LDAH: variants seen among roughly 807,000 people sequenced by gnomAD.
LDAH encodes the protein lipid droplet associated hydrolase.
In LDAH, 26 loss-of-function variants were observed where a neutral mutation model predicts 29.6. The observed-to-expected ratio is 0.88, with a 90% confidence interval of 0.64 to 1.22. LDAH has a LOEUF of 1.22. LDAH is among the 50% of genes most tolerant of loss of function. The pLI is 0.00. For missense variants in LDAH, 344 were observed against 387.3 expected (o/e 0.89, Z 0.94); for synonymous variants, 117 against 133.0 (o/e 0.88, Z 0.83).
At chr2:20,704,613 A>T (rs1252574103) in intron 5 of LDAH, among the ~76,000 whole-genome samples, 4 of 152,234 alleles carry the variant, frequency 2.6e-5, no homozygotes, top group Non-Finnish European at 4.4e-5. Context: ...TATGGTACAG[A>T]TTTATTTGAA....
intron 1 of LDAH, among the ~76,000 whole-genome samples, chr2:20,818,807 C>G (rs1036640412): frequency 3.9e-5 from 6 of 152,100 alleles, no homozygotes; most frequent in African/African-American, 1.4e-4. Context: ...ATCCAAAAAA[C>G]AAACTGCAAA....
At chr2:20,732,126 C>T (rs72784348) in intron 5 of LDAH, among the ~76,000 whole-genome samples, 13,126 of 151,866 alleles carry the variant, frequency 0.086, 731 homozygotes, top group Middle Eastern at 0.16. Context: ...TTCCCTGCAT[C>T]GGTTGATAGA....
chr2:20,812,556 C>T (rs1237809937), intron 1 of LDAH, among the ~76,000 whole-genome samples: 2 of 152,126 alleles, frequency 1.3e-5, no homozygotes, highest in Non-Finnish European at 2.9e-5. Flanking sequence ...TCTCTGCTGC[C>T]ATATATGGAC....
chr2:20,814,148 T>G (rs1437864028), intron 1 of LDAH, among the ~76,000 whole-genome samples: 6 of 151,708 alleles, frequency 4.0e-5, no homozygotes, highest in Non-Finnish European at 7.4e-5. Flanking sequence ...TAACATATAT[T>G]ATTTTTCATG....
In LDAH at chr2:20,757,703, C is replaced by G. The variant is rs116533603; in HGVS notation, c.468+17107G>C. Among the ~76,000 whole-genome samples the G allele has an allele frequency of 1.8e-3, 281 of 152,224 alleles. 2 individuals carry two copies. Among genetic ancestry groups the G allele is most frequent in the African/African-American group, 6.5e-3 (270 of 41,520 alleles). On this transcript the variant is annotated intron_variant, in intron 4 of 6. Coordinates refer to ENST00000237822, the MANE Select transcript of LDAH (RefSeq NM_021925.4). ...TATTGCCCTCCCTAATGTGAGTGAG[C>G]CTCATCCAATCAGTTGAAGGTCTGA...
intron 2 of LDAH, among the ~76,000 whole-genome samples, chr2:20,796,597 T>G (rs1302566763): frequency 6.6e-6 from 1 of 152,158 alleles, no homozygotes; most frequent in Non-Finnish European, 1.5e-5. Flanking sequence ...CCAAAGAACT[T>G]CACCTACATT....
intron 1 of LDAH, among the ~76,000 whole-genome samples, chr2:20,816,791 A>G (rs1179251731): frequency 6.6e-6 from 1 of 152,090 alleles, no homozygotes. Context: ...TCAAGCATAC[A>G]TGGAACATCC....
chr2:20,685,396 T>A lies in LDAH; in HGVS notation c.*1507A>T. ...TGCAGATGCCAATAAAGGATCTGTG[T>A]ACAGCCCTGTGCTTACGGCCTATGT... is the stretch of plus-strand genomic sequence containing the variant. On this transcript the variant is annotated 3_prime_UTR_variant, in exon 7 of 7. Coordinates refer to ENST00000237822, the MANE Select transcript of LDAH (RefSeq NM_021925.4). 5 of 962,310 alleles carry A rather than the reference T, an allele frequency of 5.2e-6. No individual in the cohort carries two copies. Among genetic ancestry groups the A allele is most frequent in the Non-Finnish European group, 7.5e-6 (5 of 667,932 alleles). 59.6% of individuals were successfully genotyped at this position (962,310 alleles called of 1,614,324 possible). A position where few individuals can be genotyped will look rare whatever the true frequency, so the allele number is the denominator to read the frequency against.
At chr2:20,724,018 T>C (rs928004162) in intron 5 of LDAH, among the ~76,000 whole-genome samples, 2 of 152,224 alleles carry the variant, frequency 1.3e-5, no homozygotes, top group Admixed American at 1.3e-4. Context: ...CTTTAACTTA[T>C]GCTGGCTAAA....
intron 3 of LDAH, among the ~76,000 whole-genome samples, chr2:20,783,906 T>A (rs921440428): frequency 6.6e-6 from 1 of 151,822 alleles, no homozygotes; most frequent in African/African-American, 2.4e-5. Context: ...AGAGTTGGAG[T>A]TTCACCATGT....
intron 1 of LDAH, among the ~76,000 whole-genome samples, chr2:20,822,730 C>A (rs114795053): frequency 6.6e-6 from 1 of 152,090 alleles, no homozygotes; most frequent in African/African-American, 2.4e-5. Flanking sequence ...AACTTTTTGG[C>A]CTCTACTCCT....
intron 4 of LDAH, among the ~76,000 whole-genome samples, chr2:20,768,738 A>C (rs1159568223): frequency 6.6e-6 from 1 of 152,126 alleles, no homozygotes; most frequent in Non-Finnish European, 1.5e-5. Context: ...TGGCAAATGA[A>C]ATCATTCCGC....
intron 4 of LDAH, among the ~76,000 whole-genome samples, chr2:20,763,877 T>C (rs1668848241): frequency 1.3e-5 from 2 of 152,238 alleles, no homozygotes; most frequent in South Asian, 4.1e-4. Flanking sequence ...AATGTTCTAT[T>C]ATAAACCCGT....
chr2:20,822,178 G>A lies in LDAH; in HGVS notation c.-3+859C>T, dbSNP rs189696745. Among the ~76,000 whole-genome samples the A allele has an allele frequency of 9.1e-3, 1,384 of 151,342 alleles. 30 individuals are homozygous for A. Among genetic ancestry groups the A allele is most frequent in the African/African-American group, 0.032 (1,323 of 41,180 alleles). ...CTCACTTTGTCGCCCAGGCTAGAGT[G>A]CAGTGGCGCCATCTCGGCTCACTGC... On this transcript the variant is annotated intron_variant, in intron 1 of 6. Coordinates refer to ENST00000237822, the MANE Select transcript of LDAH (RefSeq NM_021925.4).
intron 5 of LDAH, among the ~76,000 whole-genome samples, chr2:20,722,113 C>T (rs956022560): frequency 2.0e-5 from 3 of 152,092 alleles, no homozygotes; most frequent in Non-Finnish European, 2.9e-5. Flanking sequence ...CAGTGGCTCA[C>T]GCCTGTAATC....
chr2:20,797,064 G>A (rs1671350455), intron 2 of LDAH, among the ~76,000 whole-genome samples: 1 of 152,084 alleles, frequency 6.6e-6, no homozygotes, highest in Non-Finnish European at 1.5e-5. Context: ...CCATCAAACA[G>A]CACTTGCCAT....
intron 1 of LDAH, among the ~76,000 whole-genome samples, chr2:20,819,467 C>T (rs933215168): frequency 3.3e-5 from 5 of 152,102 alleles, no homozygotes; most frequent in Non-Finnish European, 5.9e-5. Flanking sequence ...AAAAAGTCCT[C>T]GCAAATCAAT....
chr2:20,775,998 G>A (rs1669798210), intron 3 of LDAH, among the ~76,000 whole-genome samples: 1 of 152,290 alleles, frequency 6.6e-6, no homozygotes, highest in Non-Finnish European at 1.5e-5. Context: ...TTCTACGAGT[G>A]TAGAAAACTT....
chr2:20,788,102 C>T (rs993254272), intron 3 of LDAH, among the ~76,000 whole-genome samples: 7 of 152,102 alleles, frequency 4.6e-5, no homozygotes, highest in African/African-American at 1.7e-4. Context: ...GTTTTCCATA[C>T]TAAATTGTTT....
Sources: gnomAD v4.1 joint callset for allele counts (sites outside exome capture counted in the v4.1 genomes callset) on GRCh38, gnomAD v4.1.1 for gene constraint, MANE v1.5 for transcripts, NCBI Gene and HGNC (gene_info 2026-07-23, HGNC 2026-07-21) for gene names.